The following ADGB variants were observed in gnomAD, a reference collection of about 807,000 sequenced individuals.
The protein encoded by ADGB is calpain-7-like protein.
ADGB carries 172 observed loss-of-function variants against 210.5 expected under a neutral mutation model. The ratio of observed to expected loss-of-function variants is 0.82; its 90% confidence interval spans 0.72 to 0.93. The LOEUF is 0.93. Ranked by LOEUF, ADGB falls within the 40% of genes least tolerant of loss-of-function variation. The probability of loss-of-function intolerance (pLI) is 0.00; values close to 1 mark genes in which losing one functional copy is unlikely to be tolerated. For missense variants in ADGB, 2,025 were observed against 1,964.8 expected, an observed-to-expected ratio of 1.03 and a Z score of -0.58; for synonymous variants, 658 against 662.7, an observed-to-expected ratio of 0.99 and a Z score of 0.11.
chr6:146,793,767 G>A (rs1583642187), intron 33 of ADGB, among the ~76,000 whole-genome samples: 1 of 152,310 alleles, frequency 6.6e-6, no homozygotes, highest in East Asian at 1.9e-4. Context: ...GCCTTTTCCT[G>A]TAAATGCCAG....
At chr6:146,679,575 G>T (rs1583586976) in intron 9 of ADGB, among the ~76,000 whole-genome samples, 1 of 152,124 alleles carries the variant, frequency 6.6e-6, no homozygotes, top group Admixed American at 6.6e-5. Context: ...GGCATAAAGG[G>T]GAAGTTCTTT....
chr6:146,720,883 A>G (rs980947957), intron 16 of ADGB, among the ~76,000 whole-genome samples: 6 of 152,196 alleles, frequency 3.9e-5, no homozygotes, highest in African/African-American at 9.7e-5. Flanking sequence ...ACAATCTGAC[A>G]TGAGATTTGG....
At position 146,768,970 on chromosome 6, in the gene ADGB, C is replaced by T. The variant is rs746920635; in HGVS notation, c.3751-50C>T. 8 of 991,002 alleles carry T rather than the reference C, an allele frequency of 8.1e-6. No individual in the cohort carries two copies. In the South Asian group the frequency reaches 1.5e-4, roughly 19 times the overall value. 61.4% of individuals were successfully genotyped at this position (991,002 alleles called of 1,614,324 possible). On this transcript the variant is annotated intron_variant, in intron 28 of 35. Coordinates refer to ENST00000397944, the MANE Select transcript of ADGB (RefSeq NM_024694.4). ...CTAGCATAATAAATGACATTAGGCA[C>T]ATACCATGTATGTTCTTATCATTTT...
At chr6:146,627,617 G>A (rs935433294) in intron 1 of ADGB, among the ~76,000 whole-genome samples, 1 of 152,098 alleles carries the variant, frequency 6.6e-6, no homozygotes, top group African/African-American at 2.4e-5. Context: ...CTGGTTCAGC[G>A]TGAGTCCTCA....
At chr6:146,723,321 T>A (rs552922657) in intron 17 of ADGB, among the ~76,000 whole-genome samples, 38 of 152,322 alleles carry the variant, frequency 2.5e-4, no homozygotes, top group African/African-American at 9.1e-4. Context: ...CCCTCAGTCA[T>A]TGATGAACAA....
chr6:146,614,122 T>G (rs1036639744), intron 1 of ADGB, among the ~76,000 whole-genome samples: 1 of 152,130 alleles, frequency 6.6e-6, no homozygotes, highest in African/African-American at 2.4e-5. Flanking sequence ...ACCGCTATCA[T>G]GAAGTGATGT....
chr6:146,664,468 T>C, intron 6 of ADGB, 128 bp downstream of exon 6: 1 of 951,298 alleles, frequency 1.1e-6, no homozygotes, highest in Non-Finnish European at 1.5e-6. Flanking sequence ...AACAATGTAA[T>C]GCTCTAGTAT....
intron 13 of ADGB, among the ~76,000 whole-genome samples, chr6:146,708,024 T>C (rs1017937210): frequency 6.6e-6 from 1 of 152,130 alleles, no homozygotes; most frequent in Non-Finnish European, 1.5e-5. Context: ...GAGGCTTACA[T>C]CTTATGGCTG....
intron 3 of ADGB, among the ~76,000 whole-genome samples, chr6:146,647,102 A>AC (rs1554223511): frequency 7.3e-6 from 1 of 137,722 alleles, no homozygotes; most frequent in Admixed American, 7.3e-5. Context: ...AAAAAACAAA[A>AC]AACAAAAAAC....
intron 9 of ADGB, among the ~76,000 whole-genome samples, chr6:146,682,985 G>A (rs1001442824): frequency 4.6e-5 from 7 of 152,008 alleles, no homozygotes; most frequent in Admixed American, 3.3e-4. Context: ...CCTAATGAGA[G>A]GTAATTAGGC....
intron 33 of ADGB, among the ~76,000 whole-genome samples, chr6:146,799,881 C>T (rs768948615): frequency 1.3e-5 from 2 of 152,088 alleles, no homozygotes; most frequent in Non-Finnish European, 2.9e-5. Context: ...GCGATCTTGG[C>T]TCACTGCAAC....
Position 146,672,090 on chromosome 6 carries a change from T to G in ADGB, c.840-130T>G, listed in dbSNP as rs73571867. Reference sequence around the variant, plus strand: ...TAATACATAATGCTGTTCTTTTAACTAAAAATTTGAGTAACAATTGAAATT... The same window carrying G: ...TAATACATAATGCTGTTCTTTTAACGAAAAATTTGAGTAACAATTGAAATT... On this transcript the variant is annotated intron_variant, in intron 7 of 35. Transcript: ENST00000397944. 6.1e-3 allele frequency: 7,574 copies of G among 1,237,552 alleles called. 273 individuals carry two copies. In the African/African-American group the frequency reaches 0.094, roughly 15 times the overall value. The allele number at this position is 1,237,552 out of a possible 1,614,324, so 76.7% of individuals were successfully genotyped here.
chr6:146,801,684 CATTT>C, intron 34 of ADGB, 140 bp from the exon 35 acceptor site: 1 of 641,106 alleles, frequency 1.6e-6, no homozygotes, highest in Non-Finnish European at 2.5e-6. Context: ...AGAAAACAAC[CATTT>C]ATTTTTTCTA....
At chr6:146,741,067 C>A in intron 24 of ADGB, 51 bp from the exon 25 acceptor site, 1 of 1,371,526 alleles carries the variant, frequency 7.3e-7, no homozygotes, top group Non-Finnish European at 9.5e-7. Flanking sequence ...AAATTTCAAA[C>A]TTCCTTTAAG....
chr6:146,651,967 C>A (rs1300406021), intron 3 of ADGB, among the ~76,000 whole-genome samples: 2 of 152,122 alleles, frequency 1.3e-5, no homozygotes, highest in Non-Finnish European at 2.9e-5. Context: ...GCCCTTCCAA[C>A]CAAAAAGGTT....
chr6:146,701,166 A>G, intron 13 of ADGB, 96 bp downstream of exon 13: 1 of 1,332,002 alleles, frequency 7.5e-7, no homozygotes, highest in Non-Finnish European at 1.0e-6. Context: ...AAGAATGTAT[A>G]ACATGGATCT....
At chr6:146,682,084 T>C (rs960715347) in intron 9 of ADGB, among the ~76,000 whole-genome samples, 10 of 152,088 alleles carry the variant, frequency 6.6e-5, no homozygotes, top group South Asian at 6.2e-4. Context: ...TAACTAAATA[T>C]CACATCTGAA....
At position 146,637,042 on chromosome 6, in the gene ADGB, CAG is replaced by C. The variant is rs376541702; in HGVS notation, c.237+1506_237+1507del. On this transcript the variant is annotated intron_variant, in intron 2 of 35. Transcript: ENST00000397944. Reference sequence around the variant, plus strand: ...TGAATCAAATTGTGAATATATTATGCAGTACTGTAAGGTTATTATAAGGGACA... The same window carrying C: ...TGAATCAAATTGTGAATATATTATGCTACTGTAAGGTTATTATAAGGGACA... Among the ~76,000 whole-genome samples, 19 of 151,908 alleles carry C rather than the reference CAG, an allele frequency of 1.3e-4. 1 individual carries two copies. The highest frequency in any genetic ancestry group is 4.3e-4 in the African/African-American group (18 of 41,452).
intron 33 of ADGB, among the ~76,000 whole-genome samples, chr6:146,797,511 A>G (rs895381110): frequency 6.6e-6 from 1 of 152,142 alleles, no homozygotes; most frequent in African/African-American, 2.4e-5. Context: ...TGTGGTATAT[A>G]TATATACATA....
Sources: allele counts gnomAD v4.1 joint callset (sites outside exome capture counted in the v4.1 genomes callset), GRCh38; gene constraint gnomAD v4.1.1; transcripts MANE v1.5; gene names NCBI Gene and HGNC (gene_info 2026-07-23, HGNC 2026-07-21).